The following PCDH11Y variants were observed in gnomAD, a reference collection of about 807,000 sequenced individuals.
PCDH11Y encodes the protein protocadherin 11 Y-linked, also known as protocadherin-11 Y-linked.
For synonymous variants in PCDH11Y, 9 were observed against 83.6 expected (o/e 0.11, Z 4.87); for missense variants, 12 against 224.8 (o/e 0.05, Z 6.05).
chrY:5,378,583 G>A, intron 2 of PCDH11Y, among the ~76,000 whole-genome samples: 1 of 32,828 alleles, frequency 3.0e-5, no homozygotes, highest in Non-Finnish European at 7.5e-5. Flanking sequence ...TTTCAAAATT[G>A]TATATCATTT....
intron 1 of PCDH11Y, among the ~76,000 whole-genome samples, chrY:5,001,170 G>A: frequency 3.0e-5 from 1 of 33,279 alleles, no homozygotes; most frequent in Admixed American, 2.6e-4. Flanking sequence ...GCAGAGAGGA[G>A]GGCCAGGAGC....
intron 2 of PCDH11Y, among the ~76,000 whole-genome samples, chrY:5,386,176 T>C: frequency 3.0e-5 from 1 of 33,682 alleles, no homozygotes; most frequent in African/African-American, 1.2e-4. Flanking sequence ...AAGTTAAAGA[T>C]AGGGCCCCAG....
chrY:5,623,497 T>C (rs2053503306), intron 4 of PCDH11Y, among the ~76,000 whole-genome samples: 1 of 30,668 alleles, frequency 3.3e-5, no homozygotes, highest in Non-Finnish European at 7.9e-5. Flanking sequence ...TTTGTGTCCA[T>C]GCATCCTTAA....
At chrY:5,208,278 A>G in intron 2 of PCDH11Y, among the ~76,000 whole-genome samples, 1 of 33,267 alleles carries the variant, frequency 3.0e-5, no homozygotes, top group East Asian at 8.1e-4. Context: ...CCCTCCCACA[A>G]CATATGGGAA....
At chrY:5,596,339 T>C in intron 4 of PCDH11Y, among the ~76,000 whole-genome samples, 3 of 33,526 alleles carry the variant, frequency 8.9e-5, no homozygotes, top group Admixed American at 8.2e-4. Context: ...AGCTTTATGT[T>C]TGACATCATG....
intron 2 of PCDH11Y, among the ~76,000 whole-genome samples, chrY:5,120,078 C>CTT (rs2052815966): frequency 3.1e-5 from 1 of 32,236 alleles, no homozygotes; most frequent in Non-Finnish European, 7.6e-5. Flanking sequence ...AAAGACAGAC[C>CTT]TTTTTTTTTC....
chrY:5,171,894 G>A, intron 2 of PCDH11Y, among the ~76,000 whole-genome samples: 2 of 32,571 alleles, frequency 6.1e-5, no homozygotes, highest in South Asian at 7.0e-4. Context: ...AGCTTATCTC[G>A]GCGTGCTAGG....
intron 2 of PCDH11Y, among the ~76,000 whole-genome samples, chrY:5,214,604 T>G: frequency 3.0e-5 from 1 of 32,876 alleles, no homozygotes; most frequent in Non-Finnish European, 7.5e-5. Flanking sequence ...CTCCAAAAGA[T>G]TCTCTGATCT....
rs745677656 is a variant in PCDH11Y at position 5,205,501 on chromosome Y, A to AAT, written c.3129+104808_3129+104809dup. Reference sequence around the variant, plus strand: ...ATATTTTATATATATATATATACTGAATATATATATATATACACTGAATAT... The same window carrying AAT: ...ATATTTTATATATATATATATACTGAATATATATATATATATACACTGAATAT... On this transcript the variant is annotated intron_variant, in intron 2 of 4. Transcript: ENST00000400457. Among the ~76,000 whole-genome samples the AAT allele has an allele frequency of 0.011, 260 of 24,277 alleles. No homozygotes were observed. The Middle Eastern group carries it at 0.22, about 20-fold the overall frequency. 65.1% of individuals were successfully genotyped at this position (24,277 alleles called of 37,273 possible).
chrY:5,548,061 C>G, intron 3 of PCDH11Y, among the ~76,000 whole-genome samples: 1 of 32,398 alleles, frequency 3.1e-5, no homozygotes, highest in Non-Finnish European at 7.6e-5. Context: ...ACACAAGAAC[C>G]CTGGTAACTC....
intron 4 of PCDH11Y, among the ~76,000 whole-genome samples, chrY:5,694,090 A>T (rs1602960865): frequency 7.4e-3 from 243 of 32,950 alleles, no homozygotes; most frequent in African/African-American, 0.027. Flanking sequence ...TCAGCAGGCT[A>T]ACATGAATAC....
chrY:5,440,665 G>T, intron 2 of PCDH11Y, among the ~76,000 whole-genome samples: 1 of 28,372 alleles, frequency 3.5e-5, no homozygotes, highest in Non-Finnish European at 8.5e-5. Context: ...CTGCTAAAAT[G>T]AGTAATGTGG....
At chrY:5,491,478 T>TG (rs2053338330) in intron 2 of PCDH11Y, among the ~76,000 whole-genome samples, 1 of 33,269 alleles carries the variant, frequency 3.0e-5, no homozygotes, top group Non-Finnish European at 7.4e-5. Flanking sequence ...TCATTCTTCC[T>TG]GGACACAGGA....
At chrY:5,687,579 G>A in intron 4 of PCDH11Y, among the ~76,000 whole-genome samples, 1 of 27,703 alleles carries the variant, frequency 3.6e-5, no homozygotes, top group African/African-American at 1.5e-4. Context: ...ACTCCAGCCT[G>A]GGCGACAGAG....
intron 2 of PCDH11Y, among the ~76,000 whole-genome samples, chrY:5,265,147 CTG>C: frequency 3.0e-5 from 1 of 33,759 alleles, no homozygotes; most frequent in East Asian, 8.0e-4. Context: ...TGATACACGA[CTG>C]TCTTTCCTAG....
At chrY:5,579,966 G>T in intron 3 of PCDH11Y, among the ~76,000 whole-genome samples, 1 of 31,013 alleles carries the variant, frequency 3.2e-5, no homozygotes, top group Non-Finnish European at 7.8e-5. Context: ...CTCCCTTACA[G>T]TGGGAAAATG....
At chrY:5,713,109 G>A in intron 4 of PCDH11Y, among the ~76,000 whole-genome samples, 2 of 16,068 alleles carry the variant, frequency 1.2e-4, no homozygotes, top group Admixed American at 6.8e-4. Context: ...AGAAATTAGA[G>A]GGGGGAGAGA....
At chrY:5,186,634 TA>T (rs2052906502) in intron 2 of PCDH11Y, among the ~76,000 whole-genome samples, 1 of 30,808 alleles carries the variant, frequency 3.2e-5, no homozygotes, top group Admixed American at 3.0e-4. Context: ...CCCCCATTAT[TA>T]AATTACCTCC....
chrY:5,633,731 T>A lies in PCDH11Y; in HGVS notation c.3352+51933T>A. ...GGCCAACATGGTGAATCCCCATCTT[T>A]ACTAAAAATACAAAAAAATAGCTGG... On this transcript the variant is annotated intron_variant, in intron 4 of 4. Coordinates refer to the PCDH11Y transcript ENST00000400457. Among the ~76,000 whole-genome samples the A allele has an allele frequency of 1.3e-4, 4 of 31,362 alleles. No individual in the cohort carries two copies. In the South Asian group the frequency reaches 2.9e-3, roughly 23 times the overall value. 84.1% of individuals were successfully genotyped at this position (31,362 alleles called of 37,273 possible).
Sources: gnomAD v4.1 joint callset for allele counts (sites outside exome capture counted in the v4.1 genomes callset) on GRCh38, gnomAD v4.1.1 for gene constraint, MANE v1.5 for transcripts, NCBI Gene and HGNC (gene_info 2026-07-23, HGNC 2026-07-21) for gene names.